Variants in PRKAR2B observed in about 807,000 individuals in gnomAD.
The protein encoded by PRKAR2B is protein kinase cAMP-dependent type II regulatory subunit beta.
In PRKAR2B, 14 loss-of-function variants were observed where a neutral mutation model predicts 49.9. The observed-to-expected ratio is 0.28, with a 90% CI of 0.19 to 0.44. The LOEUF is 0.44. PRKAR2B is among the 20% of genes least tolerant of loss of function. PRKAR2B has a pLI of 1.00. For synonymous variants in PRKAR2B, 196 were observed against 197.7 expected, an observed-to-expected ratio of 0.99 and a Z score of 0.07; for missense variants, 393 against 537.9, an observed-to-expected ratio of 0.73 and a Z score of 2.67.
chr7:107,107,179 A>G (rs950486402), intron 2 of PRKAR2B, among the ~76,000 whole-genome samples: 5 of 152,144 alleles, frequency 3.3e-5, no homozygotes, highest in African/African-American at 7.2e-5. Flanking sequence ...TCTACTAAAC[A>G]TACAAAAATT....
chr7:107,096,569 G>C (rs950728863), intron 2 of PRKAR2B, among the ~76,000 whole-genome samples: 14 of 151,578 alleles, frequency 9.2e-5, no homozygotes, highest in African/African-American at 2.7e-4. Flanking sequence ...AATGTGTTTG[G>C]TCTTGCTTCT....
intron 2 of PRKAR2B, among the ~76,000 whole-genome samples, chr7:107,103,650 GTGTAATTGTTATGACA>G (rs1308342664): frequency 6.6e-6 from 1 of 152,212 alleles, no homozygotes; most frequent in East Asian, 1.9e-4. Flanking sequence ...CCTCCATGAC[GTGTAATTGTTATGACA>G]TGTAATTGTC....
At chr7:107,054,142 A>T (rs912664946) in intron 1 of PRKAR2B, among the ~76,000 whole-genome samples, 1 of 152,056 alleles carries the variant, frequency 6.6e-6, no homozygotes, top group East Asian at 1.9e-4. Context: ...GAGGTCAGGA[A>T]ATCGAGACCA....
At chr7:107,142,538 A>C (rs1795806547) in intron 5 of PRKAR2B, among the ~76,000 whole-genome samples, 1 of 152,094 alleles carries the variant, frequency 6.6e-6, no homozygotes, top group Non-Finnish European at 1.5e-5. Flanking sequence ...ATTTGTATAT[A>C]GTGTATTCCC....
intron 2 of PRKAR2B, among the ~76,000 whole-genome samples, chr7:107,100,316 T>C (rs1232667136): frequency 6.6e-6 from 1 of 152,238 alleles, no homozygotes; most frequent in African/African-American, 2.4e-5. Context: ...ACTTGGAATA[T>C]ACCATCTCAC....
rs1794752629 is a variant in PRKAR2B, at chr7:107,092,690, A to T, written c.343+22374A>T. 2.0e-5 allele frequency among the ~76,000 whole-genome samples: 3 copies of T among 152,180 alleles called. No individual in the cohort carries two copies. The South Asian group carries it at 6.2e-4, about 32-fold the overall frequency. ...CACATACTTATTTAAAATTTAAAAA[A>T]TTTATCTATGTATTTTTATTACAAT... On this transcript the variant is annotated intron_variant, in intron 2 of 10. Transcript: ENST00000265717.
chr7:107,061,229 G>C (rs1249070690), intron 1 of PRKAR2B, among the ~76,000 whole-genome samples: 2 of 151,650 alleles, frequency 1.3e-5, no homozygotes, highest in Non-Finnish European at 2.9e-5. Context: ...GCTTTTATTA[G>C]TCCATAAAAC....
chr7:107,123,329 C>T (rs991840628), intron 3 of PRKAR2B, among the ~76,000 whole-genome samples: 1 of 152,154 alleles, frequency 6.6e-6, no homozygotes, highest in Non-Finnish European at 1.5e-5. Flanking sequence ...CAGGTTCACT[C>T]CAGCTAATTT....
intron 2 of PRKAR2B, chr7:107,082,223 A>T (rs1441081340): frequency 6.6e-6 from 1 of 152,140 alleles, no homozygotes; most frequent in East Asian, 1.9e-4. Context: ...TTCTTTTTAT[A>T]ATGTTGATAC....
At chr7:107,141,010 A>C (rs1052741880) in intron 5 of PRKAR2B, 57 bp downstream of exon 5, 73 of 1,270,346 alleles carry the variant, frequency 5.7e-5, no homozygotes, top group Non-Finnish European at 7.3e-5. Flanking sequence ...GTAAAATCTC[A>C]ACCATTATTA....
chr7:107,121,579 AAGTT>A (rs1380013205), intron 2 of PRKAR2B, among the ~76,000 whole-genome samples: 18 of 152,168 alleles, frequency 1.2e-4, no homozygotes, highest in African/African-American at 1.4e-4. Flanking sequence ...TAATTTGTGA[AAGTT>A]AGTCACAACT....
intron 2 of PRKAR2B, among the ~76,000 whole-genome samples, chr7:107,083,539 TG>T (rs762216575): frequency 2.0e-5 from 3 of 152,130 alleles, no homozygotes; most frequent in Non-Finnish European, 4.4e-5. Flanking sequence ...GTATGGAAAC[TG>T]AGGCACAGTT....
intron 4 of PRKAR2B, among the ~76,000 whole-genome samples, chr7:107,131,950 A>G (rs373812702): frequency 2.6e-5 from 4 of 152,218 alleles, no homozygotes; most frequent in African/African-American, 7.2e-5. Flanking sequence ...ACCTGTTTAA[A>G]GTGTTGGAGG....
intron 6 of PRKAR2B, among the ~76,000 whole-genome samples, chr7:107,147,881 T>C (rs550349004): frequency 1.3e-5 from 2 of 152,324 alleles, no homozygotes; most frequent in South Asian, 4.1e-4. Context: ...TATATAGCAT[T>C]GTGGAAGTCA....
chr7:107,072,926 A>T (rs79932122), intron 2 of PRKAR2B, among the ~76,000 whole-genome samples: 2,498 of 152,340 alleles, frequency 0.016, 28 homozygotes, highest in Middle Eastern at 0.037. Context: ...GGAAGTCTGT[A>T]CGACGTAAGA....
At chr7:107,099,924 G>A (rs987557791) in intron 2 of PRKAR2B, among the ~76,000 whole-genome samples, 9 of 152,134 alleles carry the variant, frequency 5.9e-5, no homozygotes, top group Non-Finnish European at 7.3e-5. Flanking sequence ...GTGAGCCACC[G>A]TGCCCGGCCA....
At chr7:107,084,322 T>C (rs960014200) in intron 2 of PRKAR2B, among the ~76,000 whole-genome samples, 1 of 152,174 alleles carries the variant, frequency 6.6e-6, no homozygotes, top group African/African-American at 2.4e-5. Context: ...TTAATGCTTT[T>C]AGCAGTCAAT....
chr7:107,121,863 C>T, intron 2 of PRKAR2B, 89 bp from the exon 3 acceptor site: 1 of 699,468 alleles, frequency 1.4e-6, no homozygotes. Flanking sequence ...CCGTGGTACT[C>T]TTTTTGTTCA....
Position 107,105,630 on chromosome 7 carries a change from T to C in PRKAR2B, c.344-16322T>C, listed in dbSNP as rs376566698. ...CCTCTGTGGAGATGGTAAGGTGTCA[T>C]TGGGAGCTCTGGGGAACCTTGGGGC... On this transcript the variant is annotated intron_variant, in intron 2 of 10. Transcript: ENST00000265717. Among the ~76,000 whole-genome samples, 107 of 152,290 alleles carry C rather than the reference T, an allele frequency of 7.0e-4. 1 individual carries two copies. The Middle Eastern group carries it at 0.024, about 34-fold the overall frequency.
Sources: gnomAD v4.1 joint callset for allele counts (sites outside exome capture counted in the v4.1 genomes callset) on GRCh38, gnomAD v4.1.1 for gene constraint, MANE v1.5 for transcripts, NCBI Gene and HGNC (gene_info 2026-07-23, HGNC 2026-07-21) for gene names.